OR4D1: variants seen among roughly 807,000 people sequenced by gnomAD.
OR4D1 encodes olfactory receptor family 4 subfamily D member 1, also known as olfactory receptor 4D1.
OR4D1 carries 10 observed loss-of-function variants against 14.2 expected under a neutral mutation model. The observed-to-expected ratio is 0.71, with a 90% CI of 0.44 to 1.20. OR4D1 has a LOEUF of 1.20. Ranked by LOEUF, OR4D1 falls within the 50% of genes most tolerant of loss-of-function variation. The pLI is 0.00. For synonymous variants in OR4D1, 141 were observed against 147.4 expected (o/e 0.96, Z 0.32); for missense variants, 345 against 376.6 (o/e 0.92, Z 0.70).
Position 58,157,935 on chromosome 17 carries a change from C to A in OR4D1, c.*1849C>A. 1.2e-6 allele frequency: 1 copy of A among 828,592 alleles called. No homozygotes were observed. The allele number at this position is 828,592 out of a possible 1,614,324, so 51.3% of individuals were successfully genotyped here. A position where few individuals can be genotyped will look rare whatever the true frequency, so the allele number is the denominator to read the frequency against. Reference sequence around the variant, plus strand: ...AGTGCACCACCCTAAGCGGCTAGGCCGGCAGGGCCACACGACACAGCTGAA... The same window carrying A: ...AGTGCACCACCCTAAGCGGCTAGGCAGGCAGGGCCACACGACACAGCTGAA... On this transcript the variant is annotated 3_prime_UTR_variant, in exon 4 of 4. Coordinates refer to ENST00000268912, the MANE Select transcript of OR4D1 (RefSeq NM_001386095.1).
Position 58,157,088 on chromosome 17 carries a change from C to T in OR4D1, c.*1002C>T. 6.9e-7 allele frequency: 1 copy of T among 1,457,508 alleles called. No homozygotes were observed. Among genetic ancestry groups the T allele is most frequent in the South Asian group, 1.3e-5 (1 of 78,310 alleles). The allele number at this position is 1,457,508 out of a possible 1,614,324, so 90.3% of individuals were successfully genotyped here. A position where few individuals can be genotyped will look rare whatever the true frequency, so the allele number is the denominator to read the frequency against. ...TCGGGCCAGGTCCGGGGCCTGGGGA[C>T]GCCGAGGCGGCCGCGGAGGAGCGCC... is the stretch of plus-strand genomic sequence containing the variant. On this transcript the variant is annotated 3_prime_UTR_variant, in exon 4 of 4. Transcript: ENST00000268912.
At position 58,157,278 on chromosome 17, in the gene OR4D1, C is replaced by A; in HGVS notation, c.*1192C>A. The stretch of plus-strand genomic sequence containing the variant: ...CGCTCGGGAAGCGCACAGCCCCGGG[C>A]CGCTGATCAAGCCCTTCGAGACCGC... On this transcript the variant is annotated 3_prime_UTR_variant, in exon 4 of 4. Transcript: ENST00000268912. The A allele has an allele frequency of 1.3e-6, 2 of 1,494,562 alleles. No individual in the cohort carries two copies. The highest frequency in any genetic ancestry group is 8.9e-7 in the Non-Finnish European group (1 of 1,122,608). The allele number at this position is 1,494,562 out of a possible 1,614,324, so 92.6% of individuals were successfully genotyped here.
In OR4D1 at chr17:58,157,176, A is replaced by G; in HGVS notation, c.*1090A>G. On this transcript the variant is annotated 3_prime_UTR_variant, in exon 4 of 4. Coordinates refer to ENST00000268912, the MANE Select transcript of OR4D1 (RefSeq NM_001386095.1). ...GCTCGTGTCGGACAAGAAGCCGCCCAAGGAGGCATCCCCAGTGCCGGCCAA... is the reference window on the plus strand; with the variant it reads ...GCTCGTGTCGGACAAGAAGCCGCCCGAGGAGGCATCCCCAGTGCCGGCCAA... 4.1e-6 allele frequency: 6 copies of G among 1,463,794 alleles called. No homozygotes were observed. Among genetic ancestry groups the G allele is most frequent in the Non-Finnish European group, 4.5e-6 (5 of 1,104,724 alleles). 90.7% of individuals were successfully genotyped at this position (1,463,794 alleles called of 1,614,324 possible).
intron 3 of OR4D1, 31 bp from the exon 4 acceptor site, chr17:58,155,102 GTT>G: frequency 3.1e-6 from 2 of 651,418 alleles, no homozygotes; most frequent in Non-Finnish European, 4.2e-6. Flanking sequence ...CATTTTTTTT[GTT>G]TGTTTGTTTG....
intron 3 of OR4D1, among the ~76,000 whole-genome samples, chr17:58,154,373 A>T (rs1400504206): frequency 6.6e-6 from 1 of 151,338 alleles, no homozygotes; most frequent in Non-Finnish European, 1.5e-5. Flanking sequence ...GGATATGTGT[A>T]TAATAGAAAA....
chr17:58,148,873 A>G (rs1967664725), intron 1 of OR4D1, among the ~76,000 whole-genome samples: 1 of 151,832 alleles, frequency 6.6e-6, no homozygotes, highest in Admixed American at 6.6e-5. Context: ...GTTCCTTTTT[A>G]AGTCTCATCT....
Position 58,157,893 on chromosome 17 carries a change from C to T in OR4D1, c.*1807C>T, listed in dbSNP as rs1218772034. The T allele has an allele frequency of 1.6e-6, 2 of 1,288,928 alleles. No individual in the cohort carries two copies. Among genetic ancestry groups the T allele is most frequent in the South Asian group, 1.2e-5 (1 of 83,126 alleles). The allele number at this position is 1,288,928 out of a possible 1,614,324, so 79.8% of individuals were successfully genotyped here. Reference sequence around the variant, plus strand: ...AAGAAGGCAGGACCAGCCAATACTCCTGTTCTGCAAACCCTGAGTGCACCA... The same window carrying T: ...AAGAAGGCAGGACCAGCCAATACTCTTGTTCTGCAAACCCTGAGTGCACCA... On this transcript the variant is annotated 3_prime_UTR_variant, in exon 4 of 4. Transcript: ENST00000268912.
chr17:58,156,994 G>A lies in OR4D1; in HGVS notation c.*908G>A. 2 of 793,174 alleles carry A rather than the reference G, an allele frequency of 2.5e-6. No individual in the cohort carries two copies. Among genetic ancestry groups the A allele is most frequent in the Non-Finnish European group, 4.2e-6 (2 of 475,672 alleles). The allele number at this position is 793,174 out of a possible 1,614,324, so 49.1% of individuals were successfully genotyped here. On this transcript the variant is annotated 3_prime_UTR_variant, in exon 4 of 4. Transcript: ENST00000268912. ...CGGGTTGCTAGCGGAGTCGCGCGTC[G>A]GGAGCTACGTAGGGCAGGGAAGGCA...
chr17:58,157,338 G>T lies in OR4D1; in HGVS notation c.*1252G>T, dbSNP rs1597953226. ...GTGGGAAAACTCCCTAAGACGGAGC[G>T]GCGTGGATGCAGGAACCCTGCTGAT... On this transcript the variant is annotated 3_prime_UTR_variant, in exon 4 of 4. Transcript: ENST00000268912. The T allele has an allele frequency of 1.4e-6, 2 of 1,464,200 alleles. No homozygotes were observed. Among genetic ancestry groups the T allele is most frequent in the East Asian group, 4.9e-5 (2 of 40,596 alleles). The allele number at this position is 1,464,200 out of a possible 1,614,324, so 90.7% of individuals were successfully genotyped here.
Position 58,155,798 on chromosome 17 carries a change from G to A in OR4D1, c.645G>A (p.Leu215=). 1 of 1,614,150 alleles carries A rather than the reference G, an allele frequency of 6.2e-7. No individual in the cohort carries two copies. The highest frequency in any genetic ancestry group is 8.5e-7 in the Non-Finnish European group (1 of 1,180,030). Residue 215 remains leucine (L), a synonymous_variant, in exon 4 of 4, where the codon CTG becomes CTA. Transcript: ENST00000268912. ...LLVIIWFLLL[L]ISYTVILVML... ...TTATCATCTGGTTCCTCCTCCTTCT[G>A]ATCTCTTATACTGTCATCCTGGTGA... is the stretch of plus-strand genomic sequence containing the variant.
Position 58,157,103 on chromosome 17 carries a change from G to C in OR4D1, c.*1017G>C. 6.8e-7 allele frequency: 1 copy of C among 1,465,160 alleles called. No homozygotes were observed. Among genetic ancestry groups the C allele is most frequent in the South Asian group, 1.3e-5 (1 of 78,492 alleles). The allele number at this position is 1,465,160 out of a possible 1,614,324, so 90.8% of individuals were successfully genotyped here. A position where few individuals can be genotyped will look rare whatever the true frequency, so the allele number is the denominator to read the frequency against. ...GGCCTGGGGACGCCGAGGCGGCCGC[G>C]GAGGAGCGCCGCGTCAAGGTCTCCA... On this transcript the variant is annotated 3_prime_UTR_variant, in exon 4 of 4. Coordinates refer to ENST00000268912, the MANE Select transcript of OR4D1 (RefSeq NM_001386095.1).
chr17:58,157,875 C>T lies in OR4D1; in HGVS notation c.*1789C>T. On this transcript the variant is annotated 3_prime_UTR_variant, in exon 4 of 4. Coordinates refer to ENST00000268912, the MANE Select transcript of OR4D1 (RefSeq NM_001386095.1). ...GGTTTCCTCTCCCTCTCCAAGAAGG[C>T]AGGACCAGCCAATACTCCTGTTCTG... The T allele has an allele frequency of 7.0e-7, 1 of 1,430,884 alleles. No individual in the cohort carries two copies. Among genetic ancestry groups the T allele is most frequent in the Admixed American group, 1.7e-5 (1 of 59,276 alleles). 88.6% of individuals were successfully genotyped at this position (1,430,884 alleles called of 1,614,324 possible). A position where few individuals can be genotyped will look rare whatever the true frequency, so the allele number is the denominator to read the frequency against.
chr17:58,150,282 C>A (rs1334059051), intron 2 of OR4D1, among the ~76,000 whole-genome samples: 3 of 152,086 alleles, frequency 2.0e-5, no homozygotes, highest in African/African-American at 4.8e-5. Context: ...TTTTTGAAAA[C>A]CTTTTGAAAT....
chr17:58,153,711 G>T (rs1421365981), intron 2 of OR4D1, among the ~76,000 whole-genome samples, 146 bp from the exon 3 acceptor site: 1 of 152,158 alleles, frequency 6.6e-6, no homozygotes, highest in Admixed American at 6.5e-5. Flanking sequence ...AACAATTAGA[G>T]AAAATACTTG....
chr17:58,152,481 A>G (rs1967714417), intron 2 of OR4D1, among the ~76,000 whole-genome samples: 1 of 152,170 alleles, frequency 6.6e-6, no homozygotes, highest in Non-Finnish European at 1.5e-5. Context: ...GAGAATCACC[A>G]TTTTCAGAAT....
chr17:58,151,717 T>C (rs147520464), intron 2 of OR4D1, among the ~76,000 whole-genome samples: 1 of 152,364 alleles, frequency 6.6e-6, no homozygotes, highest in Non-Finnish European at 1.5e-5. Flanking sequence ...TTAGGATATA[T>C]TTATTCTTAA....
chr17:58,153,861 A>G lies in OR4D1; in HGVS notation c.-122A>G, dbSNP rs539399148. Among the ~76,000 whole-genome samples, 306 of 152,314 alleles carry G rather than the reference A, an allele frequency of 2.0e-3. 1 individual carries two copies. The highest frequency in any genetic ancestry group is 6.8e-3 in the Middle Eastern group (2 of 294). On this transcript the variant is annotated 5_prime_UTR_variant, in exon 3 of 4. In the 5' UTR this introduces an upstream ATG that the reference lacks. Coordinates refer to ENST00000268912, the MANE Select transcript of OR4D1 (RefSeq NM_001386095.1). Reference sequence around the variant, plus strand: ...TAATTTTCTTTTTCTTTTTAGAGATAAGATCAGCTGGAGTGCAGTGGCCAT... The same window carrying G: ...TAATTTTCTTTTTCTTTTTAGAGATGAGATCAGCTGGAGTGCAGTGGCCAT...
At position 58,148,863 on chromosome 17, in the gene OR4D1, G is replaced by T. The variant is rs891694894; in HGVS notation, c.-495+279G>T. ...GCTCTGACACTTTCCACCCTCTACT[G>T]TTCCTTTTTAAGTCTCATCTTCCTC... On this transcript the variant is annotated intron_variant, in intron 1 of 3. Transcript: ENST00000268912. Among the ~76,000 whole-genome samples the T allele has an allele frequency of 2.6e-5, 4 of 152,062 alleles. No individual in the cohort carries two copies. The East Asian group carries it at 7.7e-4, about 29-fold the overall frequency.
rs1265584695 is a variant in OR4D1, at chr17:58,157,144, T to TG, written c.*1060dup. ...AAGGTCTCCAGCCTGCCCTACAGTGTGGATGCGCTCGTGTCGGACAAGAAG... is the reference window on the plus strand; with the variant it reads ...AAGGTCTCCAGCCTGCCCTACAGTGTGGGATGCGCTCGTGTCGGACAAGAAG... On this transcript the variant is annotated 3_prime_UTR_variant, in exon 4 of 4. Transcript: ENST00000268912. The TG allele has an allele frequency of 1.0e-5, 15 of 1,465,692 alleles. No individual in the cohort carries two copies. Among genetic ancestry groups the TG allele is most frequent in the Non-Finnish European group, 1.4e-5 (15 of 1,104,608 alleles). The allele number at this position is 1,465,692 out of a possible 1,614,324, so 90.8% of individuals were successfully genotyped here.
Sources: gnomAD v4.1 joint callset for allele counts (sites outside exome capture counted in the v4.1 genomes callset) on GRCh38, gnomAD v4.1.1 for gene constraint, MANE v1.5 for transcripts, NCBI Gene and HGNC (gene_info 2026-07-23, HGNC 2026-07-21) for gene names.